Variants in FN1 observed in about 807,000 individuals in gnomAD.
The protein encoded by FN1 is fibronectin 1, also known as fibronectin.
FN1 carries 106 observed loss-of-function variants against 297.3 expected under a neutral mutation model. The observed-to-expected ratio is 0.36, with a 90% CI of 0.30 to 0.42. The LOEUF (loss-of-function observed/expected upper bound fraction) is 0.42, where lower values mean the gene tolerates loss of function less well. Ranked by LOEUF, FN1 falls within the 10% of genes least tolerant of loss-of-function variation. The pLI is 1.00. For synonymous variants in FN1, 1,149 were observed against 1,152.6 expected, an observed-to-expected ratio of 1.00 and a Z score of 0.06; for missense variants, 2,690 against 3,124.9, an observed-to-expected ratio of 0.86 and a Z score of 3.32.
At chr2:215,422,994 A>T (rs1364724253) in intron 9 of FN1, among the ~76,000 whole-genome samples, 1 of 152,202 alleles carries the variant, frequency 6.6e-6, no homozygotes, top group Non-Finnish European at 1.5e-5. Flanking sequence ...GCCGTCATAC[A>T]TATATTAAAT....
At chr2:215,426,250 G>A (rs1057042051) in intron 6 of FN1, among the ~76,000 whole-genome samples, 10 of 142,722 alleles carry the variant, frequency 7.0e-5, no homozygotes, top group African/African-American at 2.1e-4. Context: ...CCGGGTTCAC[G>A]CCATTCTCCT....
chr2:215,389,283 T>C (rs1047402822), intron 26 of FN1, among the ~76,000 whole-genome samples: 2 of 151,980 alleles, frequency 1.3e-5, no homozygotes, highest in Non-Finnish European at 2.9e-5. Flanking sequence ...TTTGTATTTT[T>C]AATAGAGACG....
chr2:215,430,809 G>A lies in FN1; in HGVS notation c.591C>T (p.Val197=), dbSNP rs115105030. The A allele has an allele frequency of 1.7e-5, 28 of 1,613,906 alleles. No individual in the cohort carries two copies. Among genetic ancestry groups the A allele is most frequent in the African/African-American group, 4.0e-5 (3 of 74,886 alleles). Residue 197 remains valine, a synonymous_variant, in exon 5 of 46, where the codon GTC becomes GTT. Coordinates refer to ENST00000354785, the MANE Select transcript of FN1 (RefSeq NM_212482.4). ...FDHAAGTSYV[V]GETWEKPYQG... ...GGTAGGGCTTCTCCCACGTTTCTCCGACCACATAGGAAGTCCCAGCAGCAT... is the reference window on the plus strand; with the variant it reads ...GGTAGGGCTTCTCCCACGTTTCTCCAACCACATAGGAAGTCCCAGCAGCAT...
chr2:215,375,641 C>T lies in FN1; in HGVS notation c.5965G>A (p.Asp1989Asn), dbSNP rs755186877. 13 of 1,609,800 alleles carry T rather than the reference C, an allele frequency of 8.1e-6. No individual in the cohort carries two copies. Among genetic ancestry groups the T allele is most frequent in the Admixed American group, 3.3e-5 (2 of 59,992 alleles). ...AAGGTATAGTTACCAGTGGAGGCGT[C>T]GATGACCACAGGGGAGCTCCGAGCA... is the stretch of plus-strand genomic sequence containing the variant. ...DNARSSPVVI[D>N]ASTAIDAPSN... Residue 1989 changes from aspartate to asparagine, a missense_variant, in exon 37 of 46, where the codon GAC becomes AAC. Physicochemically the swap from Asp to Asn is conservative, Grantham distance 23. This residue lies in a region of FN1 where 1,743 missense variants were observed against 1,945.2 expected (regional missense o/e 0.90). Transcript: ENST00000354785.
chr2:215,427,864 G>C (rs570003211), intron 6 of FN1, among the ~76,000 whole-genome samples: 2 of 152,114 alleles, frequency 1.3e-5, no homozygotes, highest in African/African-American at 4.8e-5. Flanking sequence ...ACGTGTGTGT[G>C]TGCGTGTGTG....
rs1353187514 is a variant in FN1, at chr2:215,409,550, A to G, written c.2299+13T>C. 3 of 1,612,214 alleles carry G rather than the reference A, an allele frequency of 1.9e-6. No individual in the cohort carries two copies. The highest frequency in any genetic ancestry group is 2.5e-6 in the Non-Finnish European group (3 of 1,179,620). On this transcript the variant is annotated intron_variant, in intron 15 of 45. Coordinates refer to ENST00000354785, the MANE Select transcript of FN1 (RefSeq NM_212482.4). ...CTGCCCTGAACCTGTCTTGAGCGAC[A>G]TATTGAGCTTACCCAGGTACTGTGG...
chr2:215,379,698 T>C (rs1283328494), intron 33 of FN1: 8 of 249,622 alleles, frequency 3.2e-5, no homozygotes, highest in Non-Finnish European at 6.3e-5. Flanking sequence ...CTTAAAATTG[T>C]TAATTAATTA....
chr2:215,370,297 A>G lies in FN1; in HGVS notation c.6850T>C (p.Ser2284Pro), dbSNP rs781433774. 4 of 1,614,034 alleles carry G rather than the reference A, an allele frequency of 2.5e-6. No individual in the cohort carries two copies. Among genetic ancestry groups the G allele is most frequent in the Non-Finnish European group, 3.4e-6 (4 of 1,179,996 alleles). Residue 2284 changes from serine to proline, a missense_variant, in exon 41 of 46, where the codon TCT becomes CCT. Transcript: ENST00000354785. Reference sequence around the variant, plus strand: ...TAAATAGTACGTGTTTACATACCAGAGTTGCCCACGGTAACAACCTCTTCC... The same window carrying G: ...TAAATAGTACGTGTTTACATACCAGGGTTGCCCACGGTAACAACCTCTTCC... The part of the protein sequence containing the change: ...VREEVVTVGN[S>P]VNEGLNQPTD...
At chr2:215,397,940 A>C (rs2060502033) in intron 21 of FN1, 92 bp from the exon 22 acceptor site, 4 of 1,114,750 alleles carry the variant, frequency 3.6e-6, no homozygotes, top group Non-Finnish European at 5.5e-6. Context: ...TAAATAGTGT[A>C]AACTCTTCAG....
chr2:215,364,961 C>G lies in FN1; in HGVS notation c.7169G>C (p.Gly2390Ala), dbSNP rs754229346. The change falls in exon 44 of 46, where the codon GGG (glycine) becomes GCG (alanine). Residue 2390 changes from glycine (G) to alanine (A), a missense_variant. Transcript: ENST00000354785. The stretch of plus-strand genomic sequence containing the variant: ...CTGTTCTCCTACGTGGTATGTCTTC[C>G]CATCATCATAACACGTTGCCTCATC... ...DPHEATCYDD[G>A]KTYHVGEQWQ... is the part of the protein sequence containing the mutation. 7 of 1,580,122 alleles carry G rather than the reference C, an allele frequency of 4.4e-6. No homozygotes were observed. The Admixed American group carries it at 1.1e-4, about 24-fold the overall frequency.
intron 11 of FN1, 39 bp downstream of exon 11, chr2:215,420,634 C>A (rs1271143992): frequency 2.5e-6 from 4 of 1,612,698 alleles, no homozygotes; most frequent in Non-Finnish European, 3.4e-6. Flanking sequence ...CTAACCATTC[C>A]CCCTGTGCAA....
chr2:215,415,363 T>C (rs2063296762), intron 12 of FN1, among the ~76,000 whole-genome samples: 2 of 152,190 alleles, frequency 1.3e-5, no homozygotes, highest in Admixed American at 6.5e-5. Context: ...CAAATTCTAA[T>C]TTTGGAAGGT....
At chr2:215,423,323 A>C in intron 9 of FN1, 27 bp downstream of exon 9, 1 of 1,612,246 alleles carries the variant, frequency 6.2e-7, no homozygotes, top group Non-Finnish European at 8.5e-7. Context: ...TTGTCAAACA[A>C]GACAACCCAC....
Position 215,430,026 on chromosome 2 carries a change from T to C in FN1, c.685+689A>G, listed in dbSNP as rs138629271. Among the ~76,000 whole-genome samples the C allele has an allele frequency of 1.8e-3, 276 of 152,336 alleles. 1 individual carries two copies. Among genetic ancestry groups the C allele is most frequent in the East Asian group, 0.015 (80 of 5,190 alleles). On this transcript the variant is annotated intron_variant, in intron 5 of 45. Transcript: ENST00000354785. ...TGGTCAAAATGGTTACCACTTTTCATGAGAGACCTATTTTTGTTAGCAAAG... is the reference window on the plus strand; with the variant it reads ...TGGTCAAAATGGTTACCACTTTTCACGAGAGACCTATTTTTGTTAGCAAAG...
Position 215,375,658 on chromosome 2 carries a change from C to A in FN1, c.5948G>T (p.Ser1983Ile). 5 of 1,613,298 alleles carry A rather than the reference C, an allele frequency of 3.1e-6. No individual in the cohort carries two copies. The highest frequency in any genetic ancestry group is 4.2e-6 in the Non-Finnish European group (5 of 1,179,244). ...GGAGGCGTCGATGACCACAGGGGAG[C>A]TCCGAGCATTGTCATTCAAGGTGTA... ...YLYTLNDNARSSPVVIDASTA... is the reference protein window; with the variant it reads ...YLYTLNDNARISPVVIDASTA... The change falls in exon 37 of 46, where the codon AGC (serine) becomes ATC (isoleucine). Residue 1983 changes from serine (S) to isoleucine (I), a missense_variant. Transcript: ENST00000354785.
chr2:215,365,095 C>T (rs2106140904), intron 43 of FN1, 110 bp from the exon 44 acceptor site: 1 of 747,994 alleles, frequency 1.3e-6, no homozygotes, highest in Non-Finnish European at 2.4e-6. Context: ...ACAGCGCAAA[C>T]ACCACATATT....
chr2:215,370,540 C>CA (rs377315833), intron 40 of FN1, 108 bp from the exon 41 acceptor site: 46 of 304,904 alleles, frequency 1.5e-4, no homozygotes, highest in African/African-American at 4.8e-4. Context: ...CAAAGGAAGA[C>CA]AAAAAACAAA....
At chr2:215,421,601 A>T (rs2106412607) in intron 10 of FN1, among the ~76,000 whole-genome samples, 1 of 152,368 alleles carries the variant, frequency 6.6e-6, no homozygotes, top group Non-Finnish European at 1.5e-5. Context: ...AAACACTTTT[A>T]AAAAGTCAAT....
At chr2:215,392,500 A>G (rs2059818267) in intron 25 of FN1, 2 of 217,726 alleles carry the variant, frequency 9.2e-6, no homozygotes, top group Non-Finnish European at 1.9e-5. Context: ...TTTAGCTACA[A>G]AGAAGGAGCA....
Sources: allele counts gnomAD v4.1 joint callset (sites outside exome capture counted in the v4.1 genomes callset), GRCh38; gene constraint gnomAD v4.1.1; regional missense constraint gnomAD v4.1.1; transcripts MANE v1.5; gene names NCBI Gene and HGNC (gene_info 2026-07-23, HGNC 2026-07-21).